The following SCN2A variants were observed in gnomAD, a reference collection of about 807,000 sequenced individuals.
SCN2A encodes the protein sodium voltage-gated channel alpha subunit 2.
Under a neutral mutation model 188.7 loss-of-function variants are expected in SCN2A, and 20 were observed. That is an observed-to-expected ratio of 0.11 (90% CI 0.07 to 0.15). SCN2A has a LOEUF of 0.15. SCN2A is among the 10% of genes least tolerant of loss of function. SCN2A has a pLI of 1.00. For missense variants in SCN2A, 1,278 were observed against 2,445.0 expected, an observed-to-expected ratio of 0.52 and a Z score of 10.07; for synonymous variants, 804 against 833.1, an observed-to-expected ratio of 0.97 and a Z score of 0.60.
At chr2:165,341,110 T>A (rs1019429857) in intron 14 of SCN2A, among the ~76,000 whole-genome samples, 9 of 152,160 alleles carry the variant, frequency 5.9e-5, no homozygotes, top group African/African-American at 2.2e-4. Flanking sequence ...TGTTTGTTTT[T>A]TGAGACGGAG....
chr2:165,358,831 A>C (rs1200475023), intron 17 of SCN2A, among the ~76,000 whole-genome samples: 1 of 152,110 alleles, frequency 6.6e-6, no homozygotes, highest in Non-Finnish European at 1.5e-5. Flanking sequence ...TAAAATGAAG[A>C]GACTTCCCTA....
Position 165,354,450 on chromosome 2 carries a change from G to A in SCN2A, c.3178G>A (p.Glu1060Lys). 6.2e-7 allele frequency: 1 copy of A among 1,614,030 alleles called. No homozygotes were observed. The highest frequency in any genetic ancestry group is 8.5e-7 in the Non-Finnish European group (1 of 1,179,978). ...DSCISNHTTIEIGKDLNYLKD... is the reference protein window; with the variant it reads ...DSCISNHTTIKIGKDLNYLKD... The stretch of plus-strand genomic sequence containing the variant: ...CTGTATTTCCAACCATACCACCATA[G>A]AAATAGGCAAAGACCTCAATTATCT... The change falls in exon 17 of 27, where the codon GAA (glutamate) becomes AAA (lysine). Residue 1060 changes from glutamate to lysine, a missense_variant. By Grantham distance (56) the Glu-to-Lys change is moderately conservative (BLOSUM62 1). This residue lies in a region of SCN2A where 228 missense variants were observed against 297.3 expected (regional missense o/e 0.77). Coordinates refer to ENST00000375437, the MANE Select transcript of SCN2A (RefSeq NM_001040142.2).
rs543271982 is a variant in SCN2A at position 165,246,833 on chromosome 2, A to G, written c.-52+7193A>G. Among the ~76,000 whole-genome samples, 12 of 152,186 alleles carry G rather than the reference A, an allele frequency of 7.9e-5. No individual in the cohort carries two copies. In the South Asian group the frequency reaches 2.5e-3, roughly 32 times the overall value. On this transcript the variant is annotated intron_variant, in intron 1 of 26. Transcript: ENST00000375437. ...GTCCCTAGATTGATGCCCAGCAACC[A>G]TGCCACATGTCCCTGGATCACTTAC... is the stretch of plus-strand genomic sequence containing the variant.
chr2:165,386,952 T>G lies in SCN2A; in HGVS notation c.4758T>G (p.Arg1586=), dbSNP rs1289719911. Residue 1586 remains arginine (R), a synonymous_variant, in exon 26 of 27, where the codon CGT becomes CGG. Transcript: ENST00000375437. The part of the protein sequence containing the change: ...GECVLKLISL[R]YYYFTIGWNI... ...GTGTGCTGAAACTGATCTCTCTTCG[T>G]TACTACTATTTCACTATTGGATGGA... is the stretch of plus-strand genomic sequence containing the variant. 6.2e-7 allele frequency: 1 copy of G among 1,613,758 alleles called. No homozygotes were observed. The highest frequency in any genetic ancestry group is 1.3e-5 in the African/African-American group (1 of 74,920).
intron 16 of SCN2A, among the ~76,000 whole-genome samples, chr2:165,348,097 G>A (rs972276576): frequency 1.3e-5 from 2 of 152,104 alleles, no homozygotes; most frequent in Non-Finnish European, 2.9e-5. Flanking sequence ...AGTGGCTCAC[G>A]CCTGTAATCG....
At chr2:165,303,733 G>A (rs944018362) in intron 3 of SCN2A, among the ~76,000 whole-genome samples, 15 of 152,012 alleles carry the variant, frequency 9.9e-5, no homozygotes, top group East Asian at 3.9e-4. Flanking sequence ...AACCACAAGC[G>A]TAAAAACTTG....
Position 165,323,160 on chromosome 2 carries a change from T to C in SCN2A, c.1676T>C (p.Leu559Ser). ...EKRFSSPHQS[L>S]LSIRGSLFSP... ...TTCTTCTCTTGTTATTCATAGTCCTTACTGAGCATCCGTGGCTCCCTTTTC... is the reference window on the plus strand; with the variant it reads ...TTCTTCTCTTGTTATTCATAGTCCTCACTGAGCATCCGTGGCTCCCTTTTC... Residue 559 changes from leucine to serine, a missense_variant, in exon 12 of 27, where the codon TTA becomes TCA. By Grantham distance (145) the Leu-to-Ser change is moderately radical. Transcript: ENST00000375437. The C allele has an allele frequency of 6.2e-7, 1 of 1,614,106 alleles. No individual in the cohort carries two copies. Among genetic ancestry groups the C allele is most frequent in the Non-Finnish European group, 8.5e-7 (1 of 1,179,958 alleles).
chr2:165,306,501 ATTT>A (rs1264020221), intron 3 of SCN2A, among the ~76,000 whole-genome samples: 1 of 127,784 alleles, frequency 7.8e-6, no homozygotes, highest in Admixed American at 8.8e-5. Context: ...TTGAAATGGT[ATTT>A]TGTGTGTGTG....
In SCN2A at chr2:165,315,802, TA is replaced by T. The variant is rs548140873; in HGVS notation, c.1671+51del. The T allele has an allele frequency of 9.0e-4, 1,442 of 1,594,496 alleles. 10 individuals are homozygous for T. Among genetic ancestry groups the T allele is most frequent in the Non-Finnish European group, 2.0e-4 (229 of 1,168,112 alleles). On this transcript the variant is annotated intron_variant, in intron 11 of 26. Transcript: ENST00000375437. Reference sequence around the variant, plus strand: ...ATGAATTGTGTTCTCATAAATTTTTTAAAAAAATATGCCAGAATTTAATGGA... The same window carrying T: ...ATGAATTGTGTTCTCATAAATTTTTTAAAAAATATGCCAGAATTTAATGGA...
At chr2:165,363,222 A>G (rs1299800722) in intron 17 of SCN2A, among the ~76,000 whole-genome samples, 1 of 152,072 alleles carries the variant, frequency 6.6e-6, no homozygotes, top group Admixed American at 6.6e-5. Flanking sequence ...CCTGTAACAT[A>G]CTTAGCACTG....
chr2:165,324,930 A>G (rs952482892), intron 12 of SCN2A, among the ~76,000 whole-genome samples: 2 of 152,230 alleles, frequency 1.3e-5, no homozygotes, highest in African/African-American at 4.8e-5. Flanking sequence ...AATATACTTC[A>G]CTTTCATACT....
At chr2:165,262,646 G>A (rs766365519) in intron 1 of SCN2A, among the ~76,000 whole-genome samples, 46 of 151,846 alleles carry the variant, frequency 3.0e-4, no homozygotes, top group Non-Finnish European at 4.9e-4. Flanking sequence ...TAATCAACAA[G>A]TGATTAATGG....
chr2:165,306,981 A>G (rs1339303023), intron 3 of SCN2A, among the ~76,000 whole-genome samples: 1 of 152,164 alleles, frequency 6.6e-6, no homozygotes, highest in Non-Finnish European at 1.5e-5. Context: ...CTGATACTGA[A>G]TATTTTCTTA....
intron 1 of SCN2A, chr2:165,272,868 T>C (rs971295321): frequency 6.6e-6 from 1 of 151,956 alleles, no homozygotes; most frequent in Non-Finnish European, 1.5e-5. Flanking sequence ...TCTGTGTTCA[T>C]GCCTTTAACC....
chr2:165,280,358 C>A (rs955529331), intron 1 of SCN2A, among the ~76,000 whole-genome samples: 9 of 152,124 alleles, frequency 5.9e-5, no homozygotes, highest in African/African-American at 2.2e-4. Flanking sequence ...CTCTTGTTCT[C>A]ATTAGTAAAA....
chr2:165,338,245 T>G (rs1275504829), intron 14 of SCN2A, among the ~76,000 whole-genome samples: 2 of 151,222 alleles, frequency 1.3e-5, no homozygotes, highest in Non-Finnish European at 2.9e-5. Flanking sequence ...AGTGTAAAAT[T>G]ATGAAAAGAT....
Position 165,389,503 on chromosome 2 carries a change from G to A in SCN2A, c.5697G>A (p.Thr1899=), listed in dbSNP as rs746574956. The A allele has an allele frequency of 1.9e-5, 30 of 1,613,814 alleles. No homozygotes were observed. The Admixed American group carries it at 4.0e-4, about 22-fold the overall frequency. Residue 1899 remains threonine, a synonymous_variant, in exon 27 of 27, where the codon ACG becomes ACA. Transcript: ENST00000375437. This position sits in a 1 kb window ranked among gnomAD's most constrained non-coding sequence, Gnocchi z 4.2. ...SKVSYEPITT[T]LKRKQEEVSA... ...TCTCTTATGAGCCCATTACGACCACGTTGAAACGCAAACAAGAGGAGGTGT... is the reference window on the plus strand; with the variant it reads ...TCTCTTATGAGCCCATTACGACCACATTGAAACGCAAACAAGAGGAGGTGT...
At chr2:165,265,135 T>C (rs1214110610) in intron 1 of SCN2A, among the ~76,000 whole-genome samples, 2 of 152,068 alleles carry the variant, frequency 1.3e-5, no homozygotes, top group Non-Finnish European at 2.9e-5. Flanking sequence ...CTGCAGTATC[T>C]GTTATTTTTT....
chr2:165,387,079 T>G (rs2105398808), intron 26 of SCN2A, 63 bp downstream of exon 26: 2 of 1,507,660 alleles, frequency 1.3e-6, no homozygotes, highest in Admixed American at 3.4e-5. Context: ...TTTTAAAACT[T>G]TAGAGGTGTT....
Sources: gnomAD v4.1 joint callset for allele counts (sites outside exome capture counted in the v4.1 genomes callset) on GRCh38, gnomAD v4.1.1 for gene constraint, gnomAD v4.1.1 regional missense constraint, Gnocchi (gnomAD v3.1) non-coding constraint, MANE v1.5 for transcripts, NCBI Gene and HGNC (gene_info 2026-07-23, HGNC 2026-07-21) for gene names.